Variants in RBFOX1 observed in about 807,000 individuals in gnomAD.
The protein encoded by RBFOX1 is RNA binding fox-1 homolog 1.
A neutral mutation model predicts 57.7 loss-of-function variants in RBFOX1; 8 were observed. The observed-to-expected ratio is 0.14, with a 90% CI of 0.08 to 0.25. The LOEUF (loss-of-function observed/expected upper bound fraction) is 0.25, where lower values mean the gene tolerates loss of function less well. RBFOX1 is among the 10% of genes least tolerant of loss of function. RBFOX1 has a pLI of 1.00. For synonymous variants in RBFOX1, 326 were observed against 222.4 expected (o/e 1.47, Z -4.15); for missense variants, 611 against 548.5 (o/e 1.11, Z -1.14).
intron 1 of RBFOX1, among the ~76,000 whole-genome samples, chr16:5,403,807 G>T (rs1447029246): frequency 2.6e-5 from 4 of 152,128 alleles, no homozygotes; most frequent in Admixed American, 6.5e-5. Flanking sequence ...GCTCTATTCA[G>T]TGATTTCCTG....
At chr16:6,801,227 C>T (rs76471277) in intron 3 of RBFOX1, among the ~76,000 whole-genome samples, 2,933 of 147,456 alleles carry the variant, frequency 0.02, 101 homozygotes, top group African/African-American at 0.07. Flanking sequence ...AGTAACGTTA[C>T]ATATCATGTA....
At chr16:7,061,401 C>T (rs1598425038) in intron 4 of RBFOX1, among the ~76,000 whole-genome samples, 1 of 152,292 alleles carries the variant, frequency 6.6e-6, no homozygotes, top group East Asian at 1.9e-4. Flanking sequence ...AATCAGCCAA[C>T]TAGTCACAGA....
chr16:6,143,615 GC>G (rs1183130240), intron 1 of RBFOX1, among the ~76,000 whole-genome samples: 9 of 152,190 alleles, frequency 5.9e-5, no homozygotes, highest in African/African-American at 1.9e-4. Flanking sequence ...GATGATAATT[GC>G]CCCAAATCAT....
intron 5 of RBFOX1, among the ~76,000 whole-genome samples, chr16:7,556,266 C>T (rs1360974599): frequency 6.6e-6 from 1 of 152,182 alleles, no homozygotes; most frequent in East Asian, 1.9e-4. Flanking sequence ...ACTTGCATCT[C>T]CCAACACTAC....
chr16:7,354,330 T>C (rs1045383942), intron 4 of RBFOX1, among the ~76,000 whole-genome samples: 2 of 152,220 alleles, frequency 1.3e-5, no homozygotes, highest in Non-Finnish European at 2.9e-5. Context: ...TCAAAAAATA[T>C]GTTGAAAACA....
At chr16:7,175,046 T>G (rs903414918) in intron 4 of RBFOX1, among the ~76,000 whole-genome samples, 6 of 152,098 alleles carry the variant, frequency 3.9e-5, no homozygotes, top group South Asian at 2.1e-4. Flanking sequence ...GTTTGTTTAT[T>G]TTTTATTTTT....
At chr16:6,695,430 AAAAAAAAG>A (rs1568251439) in intron 3 of RBFOX1, among the ~76,000 whole-genome samples, 2 of 101,512 alleles carry the variant, frequency 2.0e-5, no homozygotes, top group Non-Finnish European at 5.0e-5. Context: ...AAAAAAAAAA[AAAAAAAAG>A]GAAAGGAAGG....
intron 3 of RBFOX1, among the ~76,000 whole-genome samples, chr16:6,774,550 A>C (rs6500825): frequency 0.038 from 5,856 of 152,266 alleles, 262 homozygotes; most frequent in East Asian, 0.23. Flanking sequence ...ATTTAAGGGA[A>C]GAAGCAGCTA....
chr16:6,769,561 A>G (rs1303373877), intron 3 of RBFOX1, among the ~76,000 whole-genome samples: 1 of 152,202 alleles, frequency 6.6e-6, no homozygotes, highest in Non-Finnish European at 1.5e-5. Flanking sequence ...GTTTTTGCCT[A>G]TTCGTGACAA....
intron 1 of RBFOX1, among the ~76,000 whole-genome samples, chr16:5,438,016 A>T (rs1267214922): frequency 1.3e-5 from 2 of 152,228 alleles, no homozygotes; most frequent in African/African-American, 4.8e-5. Flanking sequence ...CTTTGAGTAA[A>T]AGGGTTCAGA....
At chr16:7,704,462 C>G (rs1247848912) in intron 14 of RBFOX1, among the ~76,000 whole-genome samples, 1 of 152,200 alleles carries the variant, frequency 6.6e-6, no homozygotes, top group Non-Finnish European at 1.5e-5. Context: ...CTGGGAGCAG[C>G]TGACCCAGAG....
chr16:7,498,921 G>A lies in RBFOX1; in HGVS notation c.28-19226G>A, dbSNP rs574660699. Among the ~76,000 whole-genome samples, 16 of 152,324 alleles carry A rather than the reference G, an allele frequency of 1.1e-4. No homozygotes were observed. The South Asian group carries it at 3.3e-3, about 32-fold the overall frequency. On this transcript the variant is annotated intron_variant, in intron 4 of 15. Coordinates refer to ENST00000550418, the MANE Select transcript of RBFOX1 (RefSeq NM_018723.4). The stretch of plus-strand genomic sequence containing the variant: ...TGTTAGTGTATAAGCAACAGATTAA[G>A]AGGATAAGGTGTCACAACATCCTTA...
At chr16:7,573,692 G>A (rs1306096950) in intron 5 of RBFOX1, among the ~76,000 whole-genome samples, 1 of 152,074 alleles carries the variant, frequency 6.6e-6, no homozygotes, top group Non-Finnish European at 1.5e-5. Context: ...AAATGAGCCA[G>A]GCACAGTGGC....
intron 1 of RBFOX1, among the ~76,000 whole-genome samples, chr16:6,283,296 A>G (rs895794668): frequency 6.6e-6 from 1 of 152,124 alleles, no homozygotes; most frequent in African/African-American, 2.4e-5. Flanking sequence ...TCTGTACCCA[A>G]CCTGGATTAC....
At chr16:6,666,178 A>T (rs1482104311) in intron 3 of RBFOX1, among the ~76,000 whole-genome samples, 2 of 152,158 alleles carry the variant, frequency 1.3e-5, no homozygotes, top group East Asian at 1.9e-4. Context: ...TTTATAAATT[A>T]TCCAGTCTCA....
intron 1 of RBFOX1, among the ~76,000 whole-genome samples, chr16:6,060,174 G>T (rs2095667580): frequency 8.9e-6 from 1 of 112,914 alleles, no homozygotes; most frequent in Non-Finnish European, 1.7e-5. Flanking sequence ...TAACAAGAAT[G>T]GAGAAACATC....
At chr16:6,380,356 C>A (rs1047744959) in intron 2 of RBFOX1, among the ~76,000 whole-genome samples, 8 of 147,344 alleles carry the variant, frequency 5.4e-5, no homozygotes, top group African/African-American at 2.0e-4. Flanking sequence ...AAGACCCCTC[C>A]CCAACTTATA....
chr16:6,830,660 G>T (rs9934837), intron 3 of RBFOX1, among the ~76,000 whole-genome samples: 1 of 152,144 alleles, frequency 6.6e-6, no homozygotes, highest in Non-Finnish European at 1.5e-5. Context: ...CTTACACAAA[G>T]ACTTCCCCAA....
chr16:7,426,481 G>C (rs1436931028), intron 4 of RBFOX1, among the ~76,000 whole-genome samples: 1 of 152,208 alleles, frequency 6.6e-6, no homozygotes, highest in Non-Finnish European at 1.5e-5. Context: ...GCAACAGCGT[G>C]AGTTCCTGAG....
Sources: allele counts gnomAD v4.1 joint callset (sites outside exome capture counted in the v4.1 genomes callset), GRCh38; gene constraint gnomAD v4.1.1; transcripts MANE v1.5; gene names NCBI Gene and HGNC (gene_info 2026-07-23, HGNC 2026-07-21).